The following MYO3B variants were observed in gnomAD, a reference collection of about 807,000 sequenced individuals.
MYO3B encodes myosin-IIIb.
MYO3B carries 156 observed loss-of-function variants against 174.6 expected under a neutral mutation model. That is an observed-to-expected ratio of 0.89 (90% CI 0.78 to 1.02). The LOEUF (loss-of-function observed/expected upper bound fraction) is 1.02. Among genes scored for constraint, MYO3B ranks in the 50% least tolerant of loss-of-function variants. The pLI is 0.00. For missense variants in MYO3B, 1,632 were observed against 1,639.4 expected (o/e 1.00, Z 0.08); for synonymous variants, 563 against 569.1 (o/e 0.99, Z 0.15).
chr2:170,510,629 G>T (rs1309425692), intron 28 of MYO3B, among the ~76,000 whole-genome samples: 1 of 151,290 alleles, frequency 6.6e-6, no homozygotes, highest in African/African-American at 2.4e-5. Context: ...GATGAAGGTG[G>T]GTCCTGAAGC....
At chr2:170,196,458 G>A (rs2092601220) in intron 1 of MYO3B, among the ~76,000 whole-genome samples, 1 of 152,190 alleles carries the variant, frequency 6.6e-6, no homozygotes, top group Non-Finnish European at 1.5e-5. Context: ...TGAGGCTACA[G>A]GGGGTGGTGA....
intron 16 of MYO3B, among the ~76,000 whole-genome samples, chr2:170,399,326 G>T (rs2094460936): frequency 7.9e-6 from 1 of 126,816 alleles, no homozygotes; most frequent in African/African-American, 2.8e-5. Context: ...ATACCAAAAA[G>T]AGCTGAGTGT....
chr2:170,594,007 C>T (rs1693985230), intron 32 of MYO3B, among the ~76,000 whole-genome samples: 1 of 152,138 alleles, frequency 6.6e-6, no homozygotes, highest in Admixed American at 6.5e-5. Context: ...ATCATGTTAC[C>T]TTCCTTCCTT....
At chr2:170,189,944 A>G (rs529941785) in intron 1 of MYO3B, among the ~76,000 whole-genome samples, 1 of 152,230 alleles carries the variant, frequency 6.6e-6, no homozygotes, top group Admixed American at 6.5e-5. Flanking sequence ...TGTGTTCTTC[A>G]CAGTCTGGGC....
At chr2:170,452,066 C>T (rs1208166151) in intron 23 of MYO3B, among the ~76,000 whole-genome samples, 2 of 152,140 alleles carry the variant, frequency 1.3e-5, no homozygotes, top group East Asian at 3.9e-4. Context: ...GATGGCCAAG[C>T]ATGCTTCTCT....
In MYO3B at chr2:170,235,973, C is replaced by T. The variant is rs2093065159; in HGVS notation, c.604-18C>T. ...TGGCAGTAGGGTTGATGTGTCATGT[C>T]CTGCTTTTGTCCAATAGGTCATTGC... On this transcript the variant is annotated intron_variant, in intron 6 of 34. Coordinates refer to ENST00000408978, the MANE Select transcript of MYO3B (RefSeq NM_138995.5). The T allele has an allele frequency of 6.2e-7, 1 of 1,613,572 alleles. No homozygotes were observed. The highest frequency in any genetic ancestry group is 8.5e-7 in the Non-Finnish European group (1 of 1,179,962).
Position 170,198,364 on chromosome 2 carries a change from T to C in MYO3B, c.3-844T>C, listed in dbSNP as rs1286093777. ...GCTTCCTGCCAATGGGCAGTTTCTT[T>C]TCAGGGACAAGATGAGAAAGATCAC... On this transcript the variant is annotated intron_variant, in intron 1 of 34. Coordinates refer to ENST00000408978, the MANE Select transcript of MYO3B (RefSeq NM_138995.5). Among the ~76,000 whole-genome samples the C allele has an allele frequency of 2.6e-5, 4 of 152,316 alleles. No homozygotes were observed. In the South Asian group the frequency reaches 8.3e-4, roughly 32 times the overall value.
intron 25 of MYO3B, among the ~76,000 whole-genome samples, chr2:170,482,329 G>A (rs773828701): frequency 6.6e-6 from 1 of 152,008 alleles, no homozygotes; most frequent in Non-Finnish European, 1.5e-5. Flanking sequence ...TAATTTTTGT[G>A]TTTTTAGTAG....
chr2:170,363,751 T>G (rs192482604), intron 8 of MYO3B, among the ~76,000 whole-genome samples: 2 of 152,312 alleles, frequency 1.3e-5, no homozygotes, highest in Non-Finnish European at 2.9e-5. Flanking sequence ...TATCTTCTGG[T>G]GGACTTTTCT....
At chr2:170,326,181 C>T (rs878880307) in intron 7 of MYO3B, among the ~76,000 whole-genome samples, 2 of 150,414 alleles carry the variant, frequency 1.3e-5, no homozygotes, top group Admixed American at 1.3e-4. Flanking sequence ...AGTGATTCTA[C>T]ATCTCTCATT....
chr2:170,522,059 G>T (rs1052400934), intron 30 of MYO3B, among the ~76,000 whole-genome samples: 3 of 152,006 alleles, frequency 2.0e-5, no homozygotes, highest in Admixed American at 6.6e-5. Flanking sequence ...GTTTTCTCTG[G>T]TTCCATTCTT....
At position 170,355,092 on chromosome 2, in the gene MYO3B, G is replaced by A. The variant is rs192506156; in HGVS notation, c.816-14130G>A. ...CAGCAGGAGCAGTAATTTAGGCCTT[G>A]TGGTTCATTGTCCTTTGAAGCTTTT... On this transcript the variant is annotated intron_variant, in intron 8 of 34. Transcript: ENST00000408978. Among the ~76,000 whole-genome samples the A allele has an allele frequency of 2.3e-3, 357 of 152,288 alleles. 2 individuals carry two copies. Among genetic ancestry groups the A allele is most frequent in the African/African-American group, 8.4e-3 (347 of 41,554 alleles).
intron 9 of MYO3B, among the ~76,000 whole-genome samples, chr2:170,369,641 A>G (rs998452739): frequency 6.6e-6 from 1 of 151,790 alleles, no homozygotes; most frequent in Non-Finnish European, 1.5e-5. Context: ...AGCTTTAGTT[A>G]AAAAATCAAC....
chr2:170,463,400 A>C lies in MYO3B; in HGVS notation c.2763A>C (p.Glu921Asp). The stretch of plus-strand genomic sequence containing the variant: ...CTCTGGAGGTGATACGGCATCCGGA[A>C]GAAACCACCAACATGAAGAGGCAAA... ...VDTLEVIRHPEETTNMKRQTV... is the reference protein window; with the variant it reads ...VDTLEVIRHPDETTNMKRQTV... The change falls in exon 24 of 35, where the codon GAA (glutamate) becomes GAC (aspartate). Residue 921 changes from glutamate to aspartate, a missense_variant. Glu to Asp is a conservative substitution (Grantham distance 45). Coordinates refer to ENST00000408978, the MANE Select transcript of MYO3B (RefSeq NM_138995.5). The C allele has an allele frequency of 6.2e-7, 1 of 1,614,132 alleles. No homozygotes were observed. Among genetic ancestry groups the C allele is most frequent in the Non-Finnish European group, 8.5e-7 (1 of 1,180,038 alleles).
chr2:170,613,015 T>C (rs1695217924), intron 32 of MYO3B, among the ~76,000 whole-genome samples: 2 of 152,128 alleles, frequency 1.3e-5, no homozygotes, highest in African/African-American at 4.8e-5. Context: ...GCTTAGGGTG[T>C]GGACTGGCCA....
At chr2:170,233,920 C>T (rs1314756485) in intron 6 of MYO3B, among the ~76,000 whole-genome samples, 1 of 151,996 alleles carries the variant, frequency 6.6e-6, no homozygotes, top group Non-Finnish European at 1.5e-5. Context: ...GCCTGTAATC[C>T]CAGCACTTTG....
Position 170,634,796 on chromosome 2 carries a change from GT to G in MYO3B, c.3734-16831del, listed in dbSNP as rs923976158. Reference sequence around the variant, plus strand: ...AAGAAAAAATCAACCCCATCAAAAAGTGGGCAAAGGATATGAACAGACACTT... The same window carrying G: ...AAGAAAAAATCAACCCCATCAAAAAGGGGCAAAGGATATGAACAGACACTT... On this transcript the variant is annotated intron_variant, in intron 32 of 34. Coordinates refer to ENST00000408978, the MANE Select transcript of MYO3B (RefSeq NM_138995.5). Among the ~76,000 whole-genome samples, 211 of 152,286 alleles carry G rather than the reference GT, an allele frequency of 1.4e-3. 2 individuals carry two copies. The highest frequency in any genetic ancestry group is 4.6e-3 in the African/African-American group (190 of 41,568).
chr2:170,237,969 T>C (rs1291918574), intron 7 of MYO3B, among the ~76,000 whole-genome samples: 1 of 152,246 alleles, frequency 6.6e-6, no homozygotes, highest in East Asian at 1.9e-4. Flanking sequence ...CCTTAATGGC[T>C]GACGTGACAT....
At chr2:170,622,912 T>C (rs1172123380) in intron 32 of MYO3B, among the ~76,000 whole-genome samples, 1 of 152,218 alleles carries the variant, frequency 6.6e-6, no homozygotes, top group African/African-American at 2.4e-5. Context: ...TCATCATTTT[T>C]TATGGCTGCA....
Sources: allele counts gnomAD v4.1 joint callset (sites outside exome capture counted in the v4.1 genomes callset), GRCh38; gene constraint gnomAD v4.1.1; transcripts MANE v1.5; gene names NCBI Gene and HGNC (gene_info 2026-07-23, HGNC 2026-07-21).